Variants in ADAMTSL1 observed in about 807,000 individuals in gnomAD.
The protein encoded by ADAMTSL1 is ADAMTS like 1, also known as ADAMTS-like protein 1.
A neutral mutation model predicts 201.8 loss-of-function variants in ADAMTSL1; 126 were observed. That is an observed-to-expected ratio of 0.62 (90% CI 0.54 to 0.72). ADAMTSL1 has a LOEUF of 0.72. ADAMTSL1 is among the 30% of genes least tolerant of loss of function. The pLI is 0.00. For missense variants in ADAMTSL1, 2,679 were observed against 2,277.8 expected (o/e 1.18, Z -3.59); for synonymous variants, 1,121 against 903.4 (o/e 1.24, Z -4.32).
chr9:18,832,772 T>C (rs1389029523), intron 23 of ADAMTSL1, among the ~76,000 whole-genome samples: 3 of 152,176 alleles, frequency 2.0e-5, no homozygotes, highest in African/African-American at 7.2e-5. Context: ...ACCAGCCTTG[T>C]TGTAGCCAGT....
At chr9:18,126,493 G>A (rs1825733678) in intron 1 of ADAMTSL1, among the ~76,000 whole-genome samples, 1 of 152,162 alleles carries the variant, frequency 6.6e-6, no homozygotes, top group African/African-American at 2.4e-5. Flanking sequence ...GCAGCCATCT[G>A]TTTACTTGTC....
chr9:18,414,444 A>T (rs867754048), intron 2 of ADAMTSL1, among the ~76,000 whole-genome samples: 1 of 152,220 alleles, frequency 6.6e-6, no homozygotes, highest in Non-Finnish European at 1.5e-5. Flanking sequence ...CTTCTGGACA[A>T]GATGGAGTAA....
chr9:18,902,476 C>T (rs749467977), intron 26 of ADAMTSL1, among the ~76,000 whole-genome samples: 9 of 151,402 alleles, frequency 5.9e-5, no homozygotes, highest in South Asian at 2.1e-4. Context: ...TTCACAAATA[C>T]GTGGAAATCA....
At chr9:18,378,553 C>T (rs551825230) in intron 2 of ADAMTSL1, among the ~76,000 whole-genome samples, 1 of 152,180 alleles carries the variant, frequency 6.6e-6, no homozygotes. Context: ...TTCCATGATG[C>T]TGAAGTAGAT....
chr9:17,917,317 C>A (rs1286660499), intron 1 of ADAMTSL1, among the ~76,000 whole-genome samples: 1 of 151,982 alleles, frequency 6.6e-6, no homozygotes, highest in Non-Finnish European at 1.5e-5. Flanking sequence ...AACAGATATC[C>A]TTGTCTTGTT....
chr9:18,516,663 T>C lies in ADAMTSL1; in HGVS notation c.191+11707T>C, dbSNP rs549909695. Among the ~76,000 whole-genome samples the C allele has an allele frequency of 2.5e-4, 38 of 152,326 alleles. No individual in the cohort carries two copies. In the South Asian group the frequency reaches 6.4e-3, roughly 26 times the overall value. On this transcript the variant is annotated intron_variant, in intron 2 of 28. Coordinates refer to ENST00000380548, the MANE Select transcript of ADAMTSL1 (RefSeq NM_001040272.6). ...CTACTTGTATGACATTGGACTAGAT[T>C]TTAGTTTCTCTGGGATTTTGTTTGC...
At chr9:18,423,859 A>G (rs928576501) in intron 2 of ADAMTSL1, among the ~76,000 whole-genome samples, 2 of 152,242 alleles carry the variant, frequency 1.3e-5, no homozygotes, top group East Asian at 3.8e-4. Flanking sequence ...ATGTATACAT[A>G]TCTTCAATCC....
intron 1 of ADAMTSL1, among the ~76,000 whole-genome samples, chr9:17,947,055 G>T (rs1009773800): frequency 8.6e-5 from 13 of 152,036 alleles, no homozygotes; most frequent in South Asian, 4.1e-4. Flanking sequence ...CCTGGCAGAG[G>T]CATGTAAAAG....
intron 1 of ADAMTSL1, among the ~76,000 whole-genome samples, chr9:18,015,873 G>T (rs907317848): frequency 1.3e-5 from 2 of 152,000 alleles, no homozygotes; most frequent in African/African-American, 4.8e-5. Flanking sequence ...ATTGTAATGT[G>T]CAGTCAAGAC....
intron 2 of ADAMTSL1, among the ~76,000 whole-genome samples, chr9:18,443,974 T>C (rs1470649176): frequency 6.6e-6 from 1 of 152,204 alleles, no homozygotes; most frequent in East Asian, 1.9e-4. Flanking sequence ...TCTTGTGTTC[T>C]AATGACATAG....
At chr9:18,268,111 C>A (rs1279670678) in intron 2 of ADAMTSL1, among the ~76,000 whole-genome samples, 1 of 152,104 alleles carries the variant, frequency 6.6e-6, no homozygotes, top group Non-Finnish European at 1.5e-5. Flanking sequence ...TGTCTTTTAG[C>A]ATAAAGCTTT....
rs1397403465 is a variant in ADAMTSL1 at position 18,910,405 on chromosome 9, ACTAACTTCCTGCAG to A, written c.*1858_*1871del. On this transcript the variant is annotated 3_prime_UTR_variant, in exon 29 of 29. Coordinates refer to ENST00000380548, the MANE Select transcript of ADAMTSL1 (RefSeq NM_001040272.6). ...CAAAACTATTGGGGGGACTTTATTAACTAACTTCCTGCAGTTGTGTTCCTGTAAACTCAGTAGTG... is the reference window on the plus strand; with the variant it reads ...CAAAACTATTGGGGGGACTTTATTAATTGTGTTCCTGTAAACTCAGTAGTG... 5 of 149,044 alleles carry A rather than the reference ACTAACTTCCTGCAG, an allele frequency of 3.4e-5. No individual in the cohort carries two copies. The highest frequency in any genetic ancestry group is 1.2e-4 in the African/African-American group (5 of 40,544). The allele number at this position is 149,044 out of a possible 1,614,324, so 9.2% of individuals were successfully genotyped here.
At chr9:18,859,298 C>T (rs1046467410) in intron 23 of ADAMTSL1, among the ~76,000 whole-genome samples, 1 of 152,180 alleles carries the variant, frequency 6.6e-6, no homozygotes, top group African/African-American at 2.4e-5. Flanking sequence ...TGGCTGTGGC[C>T]CTTCTCCCAT....
chr9:18,433,578 G>A (rs573716185), intron 2 of ADAMTSL1, among the ~76,000 whole-genome samples: 6 of 152,170 alleles, frequency 3.9e-5, no homozygotes, highest in African/African-American at 1.4e-4. Context: ...TGATATACCT[G>A]AGCTCAAACT....
intron 6 of ADAMTSL1, among the ~76,000 whole-genome samples, chr9:18,638,647 A>G (rs1827251807): frequency 6.6e-6 from 1 of 152,158 alleles, no homozygotes; most frequent in Non-Finnish European, 1.5e-5. Context: ...GAAATACCTT[A>G]TATATGCATA....
intron 2 of ADAMTSL1, among the ~76,000 whole-genome samples, chr9:18,337,236 C>T (rs537028551): frequency 1.3e-5 from 2 of 152,200 alleles, no homozygotes; most frequent in South Asian, 2.1e-4. Flanking sequence ...CTTCCCCCAT[C>T]GGTGTAAGAC....
At chr9:18,884,875 T>C (rs1828754171) in intron 23 of ADAMTSL1, among the ~76,000 whole-genome samples, 1 of 152,132 alleles carries the variant, frequency 6.6e-6, no homozygotes. Context: ...TTATTCTGGG[T>C]TTTTGATATT....
At chr9:18,398,775 A>G (rs1470297116) in intron 2 of ADAMTSL1, among the ~76,000 whole-genome samples, 2 of 152,206 alleles carry the variant, frequency 1.3e-5, no homozygotes, top group Non-Finnish European at 1.5e-5. Flanking sequence ...GAGTGATCTA[A>G]TCTGATATAC....
intron 15 of ADAMTSL1, among the ~76,000 whole-genome samples, chr9:18,735,748 C>CTTTTCTTTTCTTTTTT (rs762386875): frequency 2.0e-4 from 21 of 106,686 alleles, no homozygotes; most frequent in South Asian, 3.1e-4. Context: ...ATTCTTTTTT[C>CTTTTCTTTTCTTTTTT]TTTTTTTTTT....
Sources: gnomAD v4.1 joint callset for allele counts (sites outside exome capture counted in the v4.1 genomes callset) on GRCh38, gnomAD v4.1.1 for gene constraint, MANE v1.5 for transcripts, NCBI Gene and HGNC (gene_info 2026-07-23, HGNC 2026-07-21) for gene names.